PCDHA6: variants seen among roughly 807,000 people sequenced by gnomAD.
PCDHA6 encodes protocadherin alpha-6.
A neutral mutation model predicts 60.3 loss-of-function variants in PCDHA6; 55 were observed. The observed-to-expected ratio is 0.91, with a 90% CI of 0.73 to 1.14. PCDHA6 has a LOEUF of 1.14. PCDHA6 is among the 50% of genes most tolerant of loss of function. PCDHA6 has a pLI of 0.00. For missense variants in PCDHA6, 1,327 were observed against 1,256.5 expected, an observed-to-expected ratio of 1.06 and a Z score of -0.85; for synonymous variants, 652 against 557.9, an observed-to-expected ratio of 1.17 and a Z score of -2.38.
intron 1 of PCDHA6, among the ~76,000 whole-genome samples, chr5:140,977,637 T>C (rs1440093548): frequency 6.6e-6 from 1 of 152,228 alleles, no homozygotes; most frequent in Non-Finnish European, 1.5e-5. Flanking sequence ...TAACTTTTTC[T>C]GGGCCTTGAC....
intron 1 of PCDHA6, among the ~76,000 whole-genome samples, chr5:140,975,996 C>G (rs923472287): frequency 4.6e-5 from 7 of 152,064 alleles, no homozygotes; most frequent in African/African-American, 1.7e-4. Flanking sequence ...GAGGTACCAT[C>G]TAAGTATTAA....
At chr5:140,997,062 G>T (rs1159348962) in intron 3 of PCDHA6, among the ~76,000 whole-genome samples, 2 of 151,910 alleles carry the variant, frequency 1.3e-5, no homozygotes, top group African/African-American at 4.8e-5. Flanking sequence ...GCAGTTTTAG[G>T]TTCACAGGAA....
rs2150462879 is a variant in PCDHA6 at position 140,850,003 on chromosome 5, C to T, written c.2394+19518C>T. On this transcript the variant is annotated intron_variant, in intron 1 of 3. Coordinates refer to ENST00000529310, the MANE Select transcript of PCDHA6 (RefSeq NM_018909.4). ...GTGGAGCGGCGGTTGGGCGAGCGCTCGCTGTCGAGCTACGTGTCAGTGCAC... is the reference window on the plus strand; with the variant it reads ...GTGGAGCGGCGGTTGGGCGAGCGCTTGCTGTCGAGCTACGTGTCAGTGCAC... 1.5e-5 allele frequency: 24 copies of T among 1,596,910 alleles called. No homozygotes were observed. The East Asian group carries it at 5.1e-4, about 34-fold the overall frequency.
chr5:140,856,231 C>G, intron 1 of PCDHA6: 1 of 1,597,900 alleles, frequency 6.3e-7, no homozygotes. Flanking sequence ...TGGTGCAGCG[C>G]CTGTTCCGGG....
At chr5:140,865,799 T>A (rs1286819785) in intron 1 of PCDHA6, 1 of 152,200 alleles carries the variant, frequency 6.6e-6, no homozygotes, top group East Asian at 1.9e-4. Context: ...GGCTTCAGAC[T>A]CATTCTTTTA....
chr5:140,857,140 G>A, intron 1 of PCDHA6: 1 of 1,598,276 alleles, frequency 6.3e-7, no homozygotes, highest in Non-Finnish European at 8.6e-7. Context: ...ATGCTCAAGT[G>A]GGCACCGTCA....
chr5:140,970,872 T>C (rs2096439604), intron 1 of PCDHA6, among the ~76,000 whole-genome samples: 3 of 152,158 alleles, frequency 2.0e-5, no homozygotes, highest in African/African-American at 7.2e-5. Flanking sequence ...TGATTGAGAG[T>C]AGATTTTTCT....
intron 1 of PCDHA6, chr5:140,875,283 C>G (rs1554167582): frequency 7.3e-7 from 1 of 1,362,346 alleles, no homozygotes; most frequent in Non-Finnish European, 9.6e-7. Context: ...GAAGGTGAAA[C>G]AGGAAAATTT....
At chr5:140,951,967 C>A (rs2094665815) in intron 1 of PCDHA6, among the ~76,000 whole-genome samples, 1 of 152,166 alleles carries the variant, frequency 6.6e-6, no homozygotes, top group South Asian at 2.1e-4. Context: ...GTAAATACTC[C>A]TGTTCCAAAA....
At chr5:140,892,265 T>A (rs1285445395) in intron 1 of PCDHA6, among the ~76,000 whole-genome samples, 3 of 152,240 alleles carry the variant, frequency 2.0e-5, no homozygotes, top group African/African-American at 7.2e-5. Context: ...GATTTTGTGC[T>A]GAAAGTTGTA....
Position 140,854,236 on chromosome 5 carries a change from A to C in PCDHA6, c.2394+23751A>C, listed in dbSNP as rs2043047042. 3.1e-6 allele frequency: 2 copies of C among 638,488 alleles called. 1 individual carries two copies. The highest frequency in any genetic ancestry group is 4.0e-5 in the African/African-American group (2 of 50,146). The allele number at this position is 638,488 out of a possible 1,614,324, so 39.6% of individuals were successfully genotyped here. On this transcript the variant is annotated intron_variant, in intron 1 of 3. Transcript: ENST00000529310. ...ATTGGACATCTACATTGGGATATTT[A>C]TGTTATCACTTGGTATAAAATGTAC... is the stretch of plus-strand genomic sequence containing the variant.
At chr5:140,976,637 A>G (rs781951504) in intron 1 of PCDHA6, among the ~76,000 whole-genome samples, 16 of 152,226 alleles carry the variant, frequency 1.1e-4, no homozygotes, top group Non-Finnish European at 1.5e-4. Flanking sequence ...CAGCAATCAG[A>G]CAAGTAATTT....
At chr5:140,863,966 A>G (rs1411552186) in intron 1 of PCDHA6, 1 of 154,822 alleles carries the variant, frequency 6.5e-6, no homozygotes, top group Non-Finnish European at 1.4e-5. Context: ...AGGCCACTGC[A>G]CTACAGCCTG....
At chr5:140,874,970 G>A (rs186825854) in intron 1 of PCDHA6, among the ~76,000 whole-genome samples, 1 of 152,280 alleles carries the variant, frequency 6.6e-6, no homozygotes, top group Admixed American at 6.5e-5. Flanking sequence ...AAGGGGAGGG[G>A]TGCTGTATAT....
At chr5:140,926,183 C>A (rs1287609954) in intron 1 of PCDHA6, among the ~76,000 whole-genome samples, 2 of 151,712 alleles carry the variant, frequency 1.3e-5, no homozygotes, top group African/African-American at 4.8e-5. Context: ...GGAAAGCCCC[C>A]CGCAGCACTT....
rs1344675374 is a variant in PCDHA6 at position 140,952,992 on chromosome 5, ACT to A, written c.2395-25951_2395-25950del. Among the ~76,000 whole-genome samples, 6 of 151,892 alleles carry A rather than the reference ACT, an allele frequency of 4.0e-5. No individual in the cohort carries two copies. In the East Asian group the frequency reaches 7.7e-4, roughly 20 times the overall value. On this transcript the variant is annotated intron_variant, in intron 1 of 3. Transcript: ENST00000529310. ...TTTTAAACAACAAGATCTCATGAGAACTCTCTCACTATTATGAGAACAACATT... is the reference window on the plus strand; with the variant it reads ...TTTTAAACAACAAGATCTCATGAGAACTCTCACTATTATGAGAACAACATT...
At chr5:140,833,974 G>C (rs2150212572) in intron 1 of PCDHA6, among the ~76,000 whole-genome samples, 27 of 152,106 alleles carry the variant, frequency 1.8e-4, no homozygotes, top group Non-Finnish European at 3.5e-4. Context: ...TGAAAAAAAA[G>C]TTTTTCTAAG....
chr5:140,848,919 A>C, intron 1 of PCDHA6: 1 of 1,608,020 alleles, frequency 6.2e-7, no homozygotes, highest in Non-Finnish European at 8.5e-7. Flanking sequence ...GAATCTGTTC[A>C]TCGCGGAATC....
chr5:140,881,555 A>G (rs2058748140), intron 1 of PCDHA6, among the ~76,000 whole-genome samples: 2 of 152,236 alleles, frequency 1.3e-5, no homozygotes, highest in South Asian at 2.1e-4. Context: ...TTGAATATAA[A>G]TATCTTATCT....
Sources: allele counts gnomAD v4.1 joint callset (sites outside exome capture counted in the v4.1 genomes callset), GRCh38; gene constraint gnomAD v4.1.1; transcripts MANE v1.5; gene names NCBI Gene and HGNC (gene_info 2026-07-23, HGNC 2026-07-21).